Variants in IRAK1BP1 observed in about 807,000 individuals in gnomAD.
IRAK1BP1 encodes interleukin-1 receptor-associated kinase 1-binding protein 1.
In IRAK1BP1, 24 loss-of-function variants were observed where a neutral mutation model predicts 28.0. The observed-to-expected ratio is 0.86, with a 90% confidence interval of 0.62 to 1.20. IRAK1BP1 has a LOEUF of 1.20. Among genes scored for constraint, IRAK1BP1 ranks in the 50% most tolerant of loss-of-function variants. The pLI is 0.00. For synonymous variants in IRAK1BP1, 131 were observed against 116.3 expected (o/e 1.13, Z -0.81); for missense variants, 336 against 316.7 (o/e 1.06, Z -0.46).
intron 1 of IRAK1BP1, among the ~76,000 whole-genome samples, chr6:78,875,137 A>G (rs566686424): frequency 2.6e-3 from 401 of 152,256 alleles, no homozygotes; most frequent in Non-Finnish European, 5.0e-3. Context: ...AAAAGTGCTC[A>G]GCATCACCAG....
chr6:78,922,592 G>A (rs1008921697), intron 4 of IRAK1BP1, among the ~76,000 whole-genome samples: 1 of 152,098 alleles, frequency 6.6e-6, no homozygotes, highest in African/African-American at 2.4e-5. Context: ...GGTACTCCTT[G>A]ATAAGAGCAA....
At chr6:78,946,206 G>A (rs1210951870) in exon 5 of IRAK1BP1, 2 of 1,612,556 alleles carry the variant, frequency 1.2e-6, no homozygotes, top group Non-Finnish European at 1.7e-6. Context: ...AGAATGCAGA[G>A]GTAGAGCTTT....
chr6:78,915,060 T>C (rs552743878), intron 4 of IRAK1BP1, among the ~76,000 whole-genome samples: 1 of 152,252 alleles, frequency 6.6e-6, no homozygotes, highest in African/African-American at 2.4e-5. Flanking sequence ...CCTCAGGTGA[T>C]CCACCCACCT....
At chr6:78,878,237 C>T (rs1343741609) in intron 1 of IRAK1BP1, among the ~76,000 whole-genome samples, 3 of 152,178 alleles carry the variant, frequency 2.0e-5, no homozygotes, top group East Asian at 1.9e-4. Flanking sequence ...CTGGGAGGCA[C>T]CTCCCAGTAG....
the IRAK1BP1 span, among the ~76,000 whole-genome samples, chr6:78,968,173 G>A: frequency 6.6e-6 from 1 of 152,198 alleles, no homozygotes; most frequent in South Asian, 2.1e-4. Flanking sequence ...ATCAAGTAAT[G>A]TATGTGAAAA....
At chr6:78,920,638 G>C (rs1372466557) in intron 4 of IRAK1BP1, among the ~76,000 whole-genome samples, 1 of 152,128 alleles carries the variant, frequency 6.6e-6, no homozygotes, top group Non-Finnish European at 1.5e-5. Context: ...AGCAACTCAA[G>C]ATGGATTTGA....
chr6:78,871,201 C>A (rs1410178490), intron 1 of IRAK1BP1: 1 of 898,348 alleles, frequency 1.1e-6, no homozygotes, highest in Non-Finnish European at 1.3e-6. Flanking sequence ...ATCTCTGCTT[C>A]CCCTTTATTT....
chr6:78,916,607 C>T lies in IRAK1BP1; in HGVS notation c.*67+13497C>T, dbSNP rs76072557. Among the ~76,000 whole-genome samples, 656 of 152,206 alleles carry T rather than the reference C, an allele frequency of 4.3e-3. 2 individuals are homozygous for T. Among genetic ancestry groups the T allele is most frequent in the African/African-American group, 0.014 (595 of 41,520 alleles). The stretch of plus-strand genomic sequence containing the variant: ...AGTGCCTAACACCTAGTGTTTAATT[C>T]GTTGTGTTAGTCATTATTGTTACTA... On this transcript the variant is annotated intron_variant and NMD_transcript_variant, in intron 4 of 4. Transcript: ENST00000606868.
At chr6:78,913,488 A>C (rs1582038938) in intron 4 of IRAK1BP1, among the ~76,000 whole-genome samples, 1 of 152,242 alleles carries the variant, frequency 6.6e-6, no homozygotes, top group East Asian at 1.9e-4. Context: ...TGTACTAAAA[A>C]TATAAAAATT....
chr6:78,925,517 T>G lies in IRAK1BP1; in HGVS notation c.*68-19891T>G, dbSNP rs953465573. Among the ~76,000 whole-genome samples the G allele has an allele frequency of 5.9e-5, 9 of 152,092 alleles. No individual in the cohort carries two copies. The East Asian group carries it at 1.7e-3, about 29-fold the overall frequency. On this transcript the variant is annotated intron_variant and NMD_transcript_variant, in intron 4 of 4. Coordinates refer to the IRAK1BP1 transcript ENST00000606868. ...TCTCACACCAGTGGAACAGTTCCTG[T>G]TAAAAAGTCAAAACACAACAGATTC...
At chr6:78,978,817 G>A in the IRAK1BP1 span, 3 of 906,978 alleles carry the variant, frequency 3.3e-6, no homozygotes, top group African/African-American at 1.7e-5. Context: ...AAGGGGAAGG[G>A]CACCATTGTA....
the IRAK1BP1 span, chr6:78,969,975 G>A: frequency 6.3e-7 from 1 of 1,581,518 alleles, no homozygotes; most frequent in Non-Finnish European, 8.7e-7. Context: ...CCTAAAAGAT[G>A]TTCAAATGTA....
At chr6:78,888,249 A>G (rs1771500227) in intron 2 of IRAK1BP1, among the ~76,000 whole-genome samples, 3 of 152,174 alleles carry the variant, frequency 2.0e-5, no homozygotes, top group African/African-American at 7.2e-5. Flanking sequence ...AGTTATGCAG[A>G]TGAATTCTAG....
the IRAK1BP1 span, chr6:78,966,063 A>G: frequency 6.4e-7 from 1 of 1,572,834 alleles, no homozygotes; most frequent in African/African-American, 1.3e-5. Context: ...TCACCTGGCC[A>G]AGAACAAAAA....
chr6:78,921,680 G>A (rs1420552620), intron 4 of IRAK1BP1, among the ~76,000 whole-genome samples: 1 of 152,188 alleles, frequency 6.6e-6, no homozygotes, highest in Non-Finnish European at 1.5e-5. Flanking sequence ...CCCCCAGTAG[G>A]GGCAGACTGA....
intron 4 of IRAK1BP1, among the ~76,000 whole-genome samples, chr6:78,912,935 TTGAA>T (rs1415557692): frequency 2.0e-5 from 3 of 152,210 alleles, no homozygotes; most frequent in African/African-American, 7.2e-5. Context: ...ACATAAATAT[TTGAA>T]TGTTTATAAT....
intron 1 of IRAK1BP1, among the ~76,000 whole-genome samples, chr6:78,884,409 T>C (rs889172699): frequency 6.6e-5 from 10 of 152,182 alleles, no homozygotes; most frequent in African/African-American, 2.4e-4. Flanking sequence ...AATCACTGAA[T>C]TTAAAAACCC....
intron 1 of IRAK1BP1, among the ~76,000 whole-genome samples, 197 bp downstream of exon 1, chr6:78,868,088 G>A (rs60805348): frequency 0.014 from 2,174 of 152,278 alleles, 56 homozygotes; most frequent in African/African-American, 0.049. Flanking sequence ...CCTAGACGAA[G>A]GTAATTATTG....
chr6:78,949,498 A>C (rs1430867351), downstream of IRAK1BP1, among the ~76,000 whole-genome samples: 1 of 151,870 alleles, frequency 6.6e-6, no homozygotes, highest in African/African-American at 2.4e-5. Context: ...GGCCCACTGG[A>C]ATTATTCAAA....
Sources: gnomAD v4.1 joint callset for allele counts (sites outside exome capture counted in the v4.1 genomes callset) on GRCh38, gnomAD v4.1.1 for gene constraint, MANE v1.5 for transcripts, NCBI Gene and HGNC (gene_info 2026-07-23, HGNC 2026-07-21) for gene names.